The following NENF variants were observed in gnomAD, a reference collection of about 807,000 sequenced individuals.
NENF encodes neudesin neurotrophic factor, also known as neudesin.
A neutral mutation model predicts 14.8 loss-of-function variants in NENF; 6 were observed. The ratio of observed to expected loss-of-function variants is 0.40; its 90% CI spans 0.22 to 0.80. The LOEUF (loss-of-function observed/expected upper bound fraction) is 0.80. NENF is among the 30% of genes least tolerant of loss of function. The pLI is 0.34. For synonymous variants in NENF, 76 were observed against 95.1 expected (o/e 0.80, Z 1.17); for missense variants, 184 against 212.7 (o/e 0.87, Z 0.84).
In NENF at chr1:212,444,447, G is replaced by A. The variant is rs770753306; in HGVS notation, c.342+5G>A. 9.3e-5 allele frequency: 147 copies of A among 1,585,826 alleles called. No individual in the cohort carries two copies. The highest frequency in any genetic ancestry group is 1.2e-4 in the Non-Finnish European group (144 of 1,165,256). On this transcript the variant is annotated splice_donor_5th_base_variant and intron_variant, in intron 3 of 3. Coordinates refer to ENST00000366988, the MANE Select transcript of NENF (RefSeq NM_013349.5). ...GCAGACCTCACCCATGACACTGTGAGCCAGATTATAAGCCTTTGTAAAATC... is the reference window on the plus strand; with the variant it reads ...GCAGACCTCACCCATGACACTGTGAACCAGATTATAAGCCTTTGTAAAATC...
chr1:212,439,367 T>G (rs2102568660), intron 1 of NENF, among the ~76,000 whole-genome samples: 1 of 134,770 alleles, frequency 7.4e-6, no homozygotes, highest in African/African-American at 2.9e-5. Context: ...ACCCCATCTC[T>G]ACTAAAAATA....
At chr1:212,441,888 A>G (rs896076535) in intron 1 of NENF, among the ~76,000 whole-genome samples, 3 of 152,274 alleles carry the variant, frequency 2.0e-5, no homozygotes, top group Non-Finnish European at 4.4e-5. Context: ...AATATAAAAT[A>G]GATTGCTCAT....
Position 212,442,615 on chromosome 1 carries a change from C to T in NENF, c.228C>T (p.Thr76=). ...TGAAGGGAGTGGTGTTTGATGTCAC[C>T]TCCGGAAAGGGTAAGTGGTGTGGCA... ...LAVKGVVFDV[T]SGKEFYGRGA... Residue 76 remains threonine, a synonymous_variant, in exon 2 of 4, where the codon ACC becomes ACT. Transcript: ENST00000366988. 6.2e-7 allele frequency: 1 copy of T among 1,613,302 alleles called. No individual in the cohort carries two copies. The highest frequency in any genetic ancestry group is 8.5e-7 in the Non-Finnish European group (1 of 1,179,254).
chr1:212,438,959 C>T (rs1662651292), intron 1 of NENF, among the ~76,000 whole-genome samples: 1 of 152,026 alleles, frequency 6.6e-6, no homozygotes, highest in Admixed American at 6.6e-5. Context: ...AGCCTTCCAC[C>T]CACCCTCCAC....
chr1:212,440,516 C>T (rs1662685076), intron 1 of NENF, among the ~76,000 whole-genome samples: 5 of 152,076 alleles, frequency 3.3e-5, no homozygotes, highest in Admixed American at 1.3e-4. Flanking sequence ...TGAGGTGGAG[C>T]AAGTGTCCAC....
intron 2 of NENF, 44 bp downstream of exon 2, chr1:212,442,669 G>A (rs752481404): frequency 2.1e-6 from 3 of 1,462,310 alleles, no homozygotes; most frequent in Non-Finnish European, 2.9e-6. Flanking sequence ...AGGGAGCACA[G>A]AAGCCAGAGT....
At chr1:212,443,998 G>T (rs1378492298) in intron 2 of NENF, among the ~76,000 whole-genome samples, 1 of 152,098 alleles carries the variant, frequency 6.6e-6, no homozygotes, top group Admixed American at 6.5e-5. Flanking sequence ...ATTGCAGTGA[G>T]CCAAGATTGT....
intron 1 of NENF, among the ~76,000 whole-genome samples, chr1:212,436,941 A>AG (rs1288701942): frequency 6.6e-6 from 1 of 151,916 alleles, no homozygotes; most frequent in East Asian, 1.9e-4. Flanking sequence ...AAAAAAAAAA[A>AG]AAGAGTTCCT....
At chr1:212,434,468 C>G (rs6685153) in intron 1 of NENF, among the ~76,000 whole-genome samples, 3 of 152,100 alleles carry the variant, frequency 2.0e-5, no homozygotes, top group Non-Finnish European at 2.9e-5. Context: ...ATGTGACCAG[C>G]CCCCAGTGAA....
In NENF at chr1:212,433,723, C is replaced by A. The variant is rs557793143; in HGVS notation, c.177+603C>A. 2.0e-5 allele frequency among the ~76,000 whole-genome samples: 3 copies of A among 151,974 alleles called. No homozygotes were observed. The South Asian group carries it at 6.2e-4, about 32-fold the overall frequency. ...GAGGTTAGAGACCCCCACAACCCCC[C>A]CGCCACACGTCAATAGAGACCCCCC... On this transcript the variant is annotated intron_variant, in intron 1 of 3. Coordinates refer to ENST00000366988, the MANE Select transcript of NENF (RefSeq NM_013349.5). This position sits in a 1 kb window ranked among gnomAD's most constrained non-coding sequence, Gnocchi z 5.5.
rs1254683724 is a variant in NENF at position 212,433,526 on chromosome 1, C to G, written c.177+406C>G. Among the ~76,000 whole-genome samples, 5 of 151,916 alleles carry G rather than the reference C, an allele frequency of 3.3e-5. No individual in the cohort carries two copies. The highest frequency in any genetic ancestry group is 7.4e-5 in the Non-Finnish European group (5 of 67,942). ...CGGAGGGAGGGAAGCAGAGCCTGCT[C>G]CCTGGGTTAGGTGGGAATTGAGACA... On this transcript the variant is annotated intron_variant, in intron 1 of 3. Transcript: ENST00000366988. The surrounding 1 kb of genome is among the most constrained non-coding windows in gnomAD (Gnocchi z 5.5).
chr1:212,441,163 C>T (rs35625733), intron 1 of NENF, among the ~76,000 whole-genome samples: 18 of 152,076 alleles, frequency 1.2e-4, no homozygotes, highest in Admixed American at 2.6e-4. Context: ...GTTAGTAGAA[C>T]GGTGGGGAAA....
chr1:212,438,475 C>T (rs1662643267), intron 1 of NENF, among the ~76,000 whole-genome samples: 1 of 152,184 alleles, frequency 6.6e-6, no homozygotes, highest in Non-Finnish European at 1.5e-5. Context: ...GCCTCAGTTT[C>T]TTCACCTACA....
rs1466597116 is a variant in NENF at position 212,445,881 on chromosome 1, G to A, written c.394G>A (p.Val132Met). ...GGCCCTGGATGAGGTCTTCACCAAAGTGTACAAAGCCAAATACCCCATCGT... is the reference window on the plus strand; with the variant it reads ...GGCCCTGGATGAGGTCTTCACCAAAATGTACAAAGCCAAATACCCCATCGT... ...LEALDEVFTK[V>M]YKAKYPIVGY... Residue 132 changes from valine (V) to methionine (M), a missense_variant, in exon 4 of 4, where the codon GTG (valine) becomes ATG (methionine). Coordinates refer to ENST00000366988, the MANE Select transcript of NENF (RefSeq NM_013349.5). 3.1e-6 allele frequency: 5 copies of A among 1,614,148 alleles called. No individual in the cohort carries two copies. In the East Asian group the frequency reaches 6.7e-5, roughly 22 times the overall value.
In NENF at chr1:212,445,958, C is replaced by T; in HGVS notation, c.471C>T (p.Asp157=). 1 of 1,614,192 alleles carries T rather than the reference C, an allele frequency of 6.2e-7. No individual in the cohort carries two copies. The highest frequency in any genetic ancestry group is 8.5e-7 in the Non-Finnish European group (1 of 1,180,036). Residue 157 remains aspartate, a synonymous_variant, in exon 4 of 4, where the codon GAC becomes GAT. Coordinates refer to ENST00000366988, the MANE Select transcript of NENF (RefSeq NM_013349.5). Reference sequence around the variant, plus strand: ...ATGAGGATGGCAGCCCTAACCTGGACTTCAAGCCTGAAGACCAGCCCCATT... The same window carrying T: ...ATGAGGATGGCAGCCCTAACCTGGATTTCAAGCCTGAAGACCAGCCCCATT... ...ILNEDGSPNL[D]FKPEDQPHFD... is the part of the protein sequence containing the mutation.
At position 212,444,375 on chromosome 1, in the gene NENF, C is replaced by CGGGGAAGGACTCCACTAGA; in HGVS notation, c.280_298dup (p.Val100GlufsTer5). The CGGGGAAGGACTCCACTAGA allele has an allele frequency of 6.2e-7, 1 of 1,606,746 alleles. No individual in the cohort carries two copies. Among genetic ancestry groups the CGGGGAAGGACTCCACTAGA allele is most frequent in the Non-Finnish European group, 8.5e-7 (1 of 1,176,030 alleles). On this transcript the variant is annotated frameshift_variant, in exon 3 of 4. Coordinates refer to ENST00000366988, the MANE Select transcript of NENF (RefSeq NM_013349.5). LOFTEE classifies it high-confidence loss of function. ...CGAGGAGCCCCCTACAATGCCTTGA[C>CGGGGAAGGACTCCACTAGA]GGGGAAGGACTCCACTAGAGGGGTA... is the stretch of plus-strand genomic sequence containing the variant.
At chr1:212,442,255 G>T (rs3767872) in intron 1 of NENF, among the ~76,000 whole-genome samples, 2 of 152,160 alleles carry the variant, frequency 1.3e-5, no homozygotes, top group South Asian at 2.1e-4. Context: ...CAGGTGATCC[G>T]CCCGCCTTGG....
rs1308751007 is a variant in NENF, at chr1:212,446,274, TGAGC to T, written c.*271_*274del. On this transcript the variant is annotated 3_prime_UTR_variant, in exon 4 of 4. Coordinates refer to ENST00000366988, the MANE Select transcript of NENF (RefSeq NM_013349.5). ...ATCAGCTGGCTGGGCAGTGGAATTTTGAGCGACCTTTACTTTATACTTTTCTGTG... is the reference window on the plus strand; with the variant it reads ...ATCAGCTGGCTGGGCAGTGGAATTTTGACCTTTACTTTATACTTTTCTGTG... 2.4e-6 allele frequency: 1 copy of T among 408,594 alleles called. No homozygotes were observed. Among genetic ancestry groups the T allele is most frequent in the East Asian group, 4.1e-5 (1 of 24,130 alleles). 25.3% of individuals were successfully genotyped at this position (408,594 alleles called of 1,614,324 possible).
At position 212,444,395 on chromosome 1, in the gene NENF, G is replaced by A. The variant is rs375003557; in HGVS notation, c.295G>A (p.Gly99Arg). 2.5e-6 allele frequency: 4 copies of A among 1,610,286 alleles called. No individual in the cohort carries two copies. Among genetic ancestry groups the A allele is most frequent in the African/African-American group, 1.3e-5 (1 of 74,774 alleles). The change falls in exon 3 of 4, where the codon GGG (glycine) becomes AGG (arginine). Residue 99 changes from glycine (G) to arginine (R), a missense_variant. Gly to Arg is a moderately radical substitution (Grantham distance 125). Transcript: ENST00000366988. The stretch of plus-strand genomic sequence containing the variant: ...CTTGACGGGGAAGGACTCCACTAGA[G>A]GGGTAGCCAAGATGTCCTTGGATCC... Reference protein sequence around the residue: ...NALTGKDSTRGVAKMSLDPAD... With the variant: ...NALTGKDSTRRVAKMSLDPAD...
Sources: gnomAD v4.1 joint callset for allele counts (sites outside exome capture counted in the v4.1 genomes callset) on GRCh38, gnomAD v4.1.1 for gene constraint, Gnocchi (gnomAD v3.1) non-coding constraint, MANE v1.5 for transcripts, NCBI Gene and HGNC (gene_info 2026-07-23, HGNC 2026-07-21) for gene names.